Variants in TTF2 observed in about 807,000 individuals in gnomAD.
TTF2 encodes the protein transcription termination factor 2, also known as RNA polymerase II termination factor.
In TTF2, 108 loss-of-function variants were observed where a neutral mutation model predicts 142.4. The ratio of observed to expected loss-of-function variants is 0.76; its 90% CI spans 0.65 to 0.89. The LOEUF is 0.89. Among genes scored for constraint, TTF2 ranks in the 40% least tolerant of loss-of-function variants. The pLI, the probability that TTF2 is intolerant of heterozygous loss-of-function variation, is 0.00. For synonymous variants in TTF2, 483 were observed against 506.2 expected (o/e 0.95, Z 0.61); for missense variants, 1,327 against 1,379.8 (o/e 0.96, Z 0.61).
chr1:117,089,556 G>A (rs1419441080), intron 13 of TTF2, among the ~76,000 whole-genome samples: 1 of 151,982 alleles, frequency 6.6e-6, no homozygotes. Context: ...AGGCACAGGG[G>A]TGTACACCTG....
chr1:117,090,634 TA>T lies in TTF2; in HGVS notation c.2588+14del, dbSNP rs1286636115. The T allele has an allele frequency of 1.2e-6, 2 of 1,602,092 alleles. No homozygotes were observed. The highest frequency in any genetic ancestry group is 2.7e-5 in the African/African-American group (2 of 74,522). On this transcript the variant is annotated intron_variant, in intron 15 of 22. Transcript: ENST00000369466. This position sits in a 1 kb window ranked among gnomAD's most constrained non-coding sequence, Gnocchi z 4.8. ...TTTTGCAAGATCAAGGTGTGTGTAT[TA>T]AAGAAGCACCTTCTCACACACATTG...
rs773930884 is a variant in TTF2, at chr1:117,090,693, A to G, written c.2588+70A>G. 3.9e-5 allele frequency: 52 copies of G among 1,337,572 alleles called. No homozygotes were observed. Among genetic ancestry groups the G allele is most frequent in the Non-Finnish European group, 5.5e-5 (52 of 949,178 alleles). 82.9% of individuals were successfully genotyped at this position (1,337,572 alleles called of 1,614,324 possible). ...CCTGTCTTTTCTTGGGAGTGAGTTG[A>G]AGGTCAAATTTCCACAAACTTTATG... On this transcript the variant is annotated intron_variant, in intron 15 of 22. Coordinates refer to ENST00000369466, the MANE Select transcript of TTF2 (RefSeq NM_003594.4). This position sits in a 1 kb window ranked among gnomAD's most constrained non-coding sequence, Gnocchi z 4.8.
intron 13 of TTF2, 84 bp from the exon 14 acceptor site, chr1:117,089,971 A>G: frequency 1.4e-6 from 2 of 1,449,710 alleles, no homozygotes; most frequent in African/African-American, 1.4e-5. Context: ...CTGATTTGTC[A>G]TCTTATATCT....
rs570988565 is a variant in TTF2, at chr1:117,089,042, T to C, written c.2342+60T>C. ...CCTGTCTGTATCCCTTCATCATTAT[T>C]TCATGTCTCATAATAAAGCCTTAGT... On this transcript the variant is annotated intron_variant, in intron 13 of 22. Coordinates refer to ENST00000369466, the MANE Select transcript of TTF2 (RefSeq NM_003594.4). 11 of 1,509,254 alleles carry C rather than the reference T, an allele frequency of 7.3e-6. No homozygotes were observed. In the South Asian group the frequency reaches 1.3e-4, roughly 18 times the overall value. 93.5% of individuals were successfully genotyped at this position (1,509,254 alleles called of 1,614,324 possible).
chr1:117,095,614 C>G (rs995268633), intron 19 of TTF2, among the ~76,000 whole-genome samples: 3 of 151,412 alleles, frequency 2.0e-5, no homozygotes, highest in African/African-American at 7.4e-5. Context: ...TAAAGAAAAG[C>G]AAGCGAGTGA....
In TTF2 at chr1:117,079,265, C is replaced by T. The variant is rs888078805; in HGVS notation, c.1702-303C>T. ...AAAAATAAAAATAAAAAAATAAAAG[C>T]TGTAGAGACTGATTTTGACTGATTA... On this transcript the variant is annotated intron_variant, in intron 8 of 22. Coordinates refer to ENST00000369466, the MANE Select transcript of TTF2 (RefSeq NM_003594.4). The surrounding 1 kb of genome is among the most constrained non-coding windows in gnomAD (Gnocchi z 4.2). Among the ~76,000 whole-genome samples the T allele has an allele frequency of 6.6e-6, 1 of 152,052 alleles. No homozygotes were observed. Among genetic ancestry groups the T allele is most frequent in the Non-Finnish European group, 1.5e-5 (1 of 68,006 alleles).
intron 3 of TTF2, among the ~76,000 whole-genome samples, chr1:117,065,142 A>G (rs1438836372): frequency 6.6e-6 from 1 of 152,150 alleles, no homozygotes; most frequent in East Asian, 1.9e-4. Context: ...ATTCTTTTTC[A>G]AGATTGCGTT....
At chr1:117,077,197 T>C (rs1557812024) in intron 7 of TTF2, among the ~76,000 whole-genome samples, 1 of 152,088 alleles carries the variant, frequency 6.6e-6, no homozygotes, top group African/African-American at 2.4e-5. Context: ...ACATACGCCC[T>C]GTGGATAAGG....
chr1:117,083,579 ACT>A (rs1459520443), intron 10 of TTF2, among the ~76,000 whole-genome samples: 2 of 152,072 alleles, frequency 1.3e-5, no homozygotes, highest in Non-Finnish European at 2.9e-5. Context: ...ACTTCCAGCC[ACT>A]CTGTGAAAGC....
At chr1:117,078,513 G>T (rs1296923030) in intron 8 of TTF2, among the ~76,000 whole-genome samples, 1 of 152,240 alleles carries the variant, frequency 6.6e-6, no homozygotes, top group Non-Finnish European at 1.5e-5. Context: ...AAAGCCTTTA[G>T]ATAGCAGAGA....
rs1463380916 is a variant in TTF2 at position 117,086,463 on chromosome 1, A to G, written c.2101A>G (p.Lys701Glu). The change falls in exon 12 of 23, where the codon AAG becomes GAG. Residue 701 changes from lysine (K) to glutamate (E), a missense_variant. Coordinates refer to ENST00000369466, the MANE Select transcript of TTF2 (RefSeq NM_003594.4). This position sits in a 1 kb window ranked among gnomAD's most constrained non-coding sequence, Gnocchi z 4.2. ...GATCACTACCTATAGCCTCGTGGCC[A>G]AGGAGATTCCCACAAACAAGCAAGA... is the stretch of plus-strand genomic sequence containing the variant. ...IVITTYSLVA[K>E]EIPTNKQEAE... 1.9e-6 allele frequency: 3 copies of G among 1,614,152 alleles called. No individual in the cohort carries two copies. The highest frequency in any genetic ancestry group is 2.5e-6 in the Non-Finnish European group (3 of 1,180,018).
Position 117,075,273 on chromosome 1 carries a change from C to T in TTF2, c.689C>T (p.Thr230Ile), listed in dbSNP as rs1053149282. 3 of 1,614,118 alleles carry T rather than the reference C, an allele frequency of 1.9e-6. No individual in the cohort carries two copies. Among genetic ancestry groups the T allele is most frequent in the Non-Finnish European group, 2.5e-6 (3 of 1,180,050 alleles). The change falls in exon 5 of 23, where the codon ACA becomes ATA. Residue 230 changes from threonine to isoleucine, a missense_variant. Physicochemically the swap from Thr to Ile is moderately conservative, Grantham distance 89. Coordinates refer to ENST00000369466, the MANE Select transcript of TTF2 (RefSeq NM_003594.4). The surrounding 1 kb of genome is among the most constrained non-coding windows in gnomAD (Gnocchi z 4.5). ...KSQQCQGNEL[T>I]RPSASSQEKS... Reference sequence around the variant, plus strand: ...CAACAGTGCCAAGGTAATGAGCTTACAAGACCATCTGCATCTTCTCAGGAG... The same window carrying T: ...CAACAGTGCCAAGGTAATGAGCTTATAAGACCATCTGCATCTTCTCAGGAG...
In TTF2 at chr1:117,066,105, G is replaced by A. The variant is rs868805335; in HGVS notation, c.218+3632G>A. ...TCCTACCTCAGCCTCCCAAAGTACT[G>A]GGATTACAGGTGTGGGCCACTGCAC... On this transcript the variant is annotated intron_variant, in intron 3 of 22. Transcript: ENST00000369466. Among the ~76,000 whole-genome samples, 11 of 145,772 alleles carry A rather than the reference G, an allele frequency of 7.5e-5. No individual in the cohort carries two copies. In the South Asian group the frequency reaches 8.6e-4, roughly 11 times the overall value.
chr1:117,073,663 T>C lies in TTF2; in HGVS notation c.221T>C (p.Leu74Ser). Reference sequence around the variant, plus strand: ...ATTTGTGTTTTATACTTCATTAGATTGTTCTTCCGATGCATTAGAAGTAAG... The same window carrying C: ...ATTTGTGTTTTATACTTCATTAGATCGTTCTTCCGATGCATTAGAAGTAAG... ...LLPQDKKEYR[L>S]FFRCIRSKAE... The change falls in exon 4 of 23, where the codon TTG (leucine) becomes TCG (serine). Residue 74 changes from leucine (L) to serine (S), a missense_variant and splice_region_variant. By Grantham distance (145) the Leu-to-Ser change is moderately radical. Coordinates refer to ENST00000369466, the MANE Select transcript of TTF2 (RefSeq NM_003594.4). This position sits in a 1 kb window ranked among gnomAD's most constrained non-coding sequence, Gnocchi z 4.4. 1 of 1,609,188 alleles carries C rather than the reference T, an allele frequency of 6.2e-7. No individual in the cohort carries two copies. Among genetic ancestry groups the C allele is most frequent in the Non-Finnish European group, 8.5e-7 (1 of 1,176,354 alleles).
intron 7 of TTF2, among the ~76,000 whole-genome samples, 192 bp from the exon 8 acceptor site, chr1:117,077,724 G>T (rs1281177565): frequency 6.7e-6 from 1 of 149,482 alleles, no homozygotes; most frequent in Non-Finnish European, 1.5e-5. Context: ...GATTGGGTTG[G>T]CTGGCAGTGA....
chr1:117,078,737 A>T (rs549423591), intron 8 of TTF2, among the ~76,000 whole-genome samples: 1 of 152,326 alleles, frequency 6.6e-6, no homozygotes, highest in East Asian at 1.9e-4. Flanking sequence ...GGGATGACTG[A>T]TGAAGATTAG....
Position 117,075,981 on chromosome 1 carries a change from C to G in TTF2, c.1275+122C>G. On this transcript the variant is annotated intron_variant, in intron 5 of 22. Coordinates refer to ENST00000369466, the MANE Select transcript of TTF2 (RefSeq NM_003594.4). This position sits in a 1 kb window ranked among gnomAD's most constrained non-coding sequence, Gnocchi z 4.5. Reference sequence around the variant, plus strand: ...TGTGAAGGTTTTATAGGTGCATGTTCAGTTTCTGCCTTTTCCCCTATTTAT... The same window carrying G: ...TGTGAAGGTTTTATAGGTGCATGTTGAGTTTCTGCCTTTTCCCCTATTTAT... 1 of 1,399,760 alleles carries G rather than the reference C, an allele frequency of 7.1e-7. No homozygotes were observed. Among genetic ancestry groups the G allele is most frequent in the Non-Finnish European group, 9.5e-7 (1 of 1,050,634 alleles). The allele number at this position is 1,399,760 out of a possible 1,614,324, so 86.7% of individuals were successfully genotyped here.
intron 7 of TTF2, among the ~76,000 whole-genome samples, chr1:117,077,221 G>A (rs951478642): frequency 6.6e-6 from 1 of 152,166 alleles, no homozygotes; most frequent in African/African-American, 2.4e-5. Flanking sequence ...GACTACCGTA[G>A]ATGTCTTTGT....
Position 117,099,052 on chromosome 1 carries a change from C to A in TTF2, c.3344+145C>A. 1.5e-6 allele frequency: 1 copy of A among 682,146 alleles called. No homozygotes were observed. Among genetic ancestry groups the A allele is most frequent in the Non-Finnish European group, 2.2e-6 (1 of 453,744 alleles). 42.3% of individuals were successfully genotyped at this position (682,146 alleles called of 1,614,324 possible). A position where few individuals can be genotyped will look rare whatever the true frequency, so the allele number is the denominator to read the frequency against. ...CCCCTGAGGCATACCTTCAGGCAAA[C>A]CACAGTCAGGAGAAAAACGAGCAAT... On this transcript the variant is annotated intron_variant, in intron 22 of 22. Coordinates refer to ENST00000369466, the MANE Select transcript of TTF2 (RefSeq NM_003594.4). This position sits in a 1 kb window ranked among gnomAD's most constrained non-coding sequence, Gnocchi z 4.3.
Sources: gnomAD v4.1 joint callset for allele counts (sites outside exome capture counted in the v4.1 genomes callset) on GRCh38, gnomAD v4.1.1 for gene constraint, Gnocchi (gnomAD v3.1) non-coding constraint, MANE v1.5 for transcripts, NCBI Gene and HGNC (gene_info 2026-07-23, HGNC 2026-07-21) for gene names.